LRRTM4: variants seen among roughly 807,000 people sequenced by gnomAD.
The protein encoded by LRRTM4 is leucine rich repeat transmembrane neuronal 4.
A neutral mutation model predicts 47.6 loss-of-function variants in LRRTM4; 25 were observed. The ratio of observed to expected loss-of-function variants is 0.53; its 90% CI spans 0.38 to 0.73. The LOEUF is 0.73. Ranked by LOEUF, LRRTM4 falls within the 30% of genes least tolerant of loss-of-function variation. The probability of loss-of-function intolerance (pLI) is 0.00; values close to 1 mark genes in which losing one functional copy is unlikely to be tolerated. For synonymous variants in LRRTM4, 311 were observed against 269.5 expected (o/e 1.15, Z -1.51); for missense variants, 638 against 713.4 (o/e 0.89, Z 1.20).
At chr2:77,326,099 G>A (rs545036135) in intron 3 of LRRTM4, among the ~76,000 whole-genome samples, 42 of 152,240 alleles carry the variant, frequency 2.8e-4, no homozygotes, top group Non-Finnish European at 4.7e-4. Flanking sequence ...CAGAGATGCC[G>A]TGAGAAATTC....
At chr2:76,900,056 C>G (rs1372694360) in intron 3 of LRRTM4, among the ~76,000 whole-genome samples, 1 of 152,062 alleles carries the variant, frequency 6.6e-6, no homozygotes, top group Non-Finnish European at 1.5e-5. Context: ...TGGTGAAACC[C>G]AGTCTCTACT....
intron 3 of LRRTM4, among the ~76,000 whole-genome samples, chr2:77,379,402 C>A (rs1005790428): frequency 5.3e-5 from 8 of 152,056 alleles, no homozygotes; most frequent in African/African-American, 1.9e-4. Context: ...AGAAAATATA[C>A]AACTACACTC....
chr2:77,285,284 A>G (rs554228716), intron 3 of LRRTM4, among the ~76,000 whole-genome samples: 131 of 145,774 alleles, frequency 9.0e-4, no homozygotes, highest in African/African-American at 3.2e-3. Flanking sequence ...TACTAAGTTT[A>G]AATAATTGTT....
chr2:76,956,008 T>TA (rs148959516), intron 3 of LRRTM4, among the ~76,000 whole-genome samples: 7,886 of 146,328 alleles, frequency 0.054, 471 homozygotes, highest in East Asian at 0.14. Flanking sequence ...AACTCCCACT[T>TA]AAAAAAAAAA....
intron 3 of LRRTM4, among the ~76,000 whole-genome samples, chr2:77,202,040 G>A (rs543073524): frequency 6.6e-6 from 1 of 152,216 alleles, no homozygotes; most frequent in East Asian, 1.9e-4. Context: ...TAAGTCCCCG[G>A]CATTGTGCAG....
At chr2:77,301,569 A>G (rs1383031999) in intron 3 of LRRTM4, among the ~76,000 whole-genome samples, 1 of 152,176 alleles carries the variant, frequency 6.6e-6, no homozygotes, top group East Asian at 1.9e-4. Context: ...AACTTGATAA[A>G]AAATAAGAAA....
intron 3 of LRRTM4, among the ~76,000 whole-genome samples, chr2:77,083,937 T>C (rs1680622217): frequency 2.6e-5 from 4 of 151,218 alleles, no homozygotes; most frequent in Admixed American, 2.6e-4. Context: ...CCCGAGTAGC[T>C]GGGACTACAG....
At chr2:76,967,284 T>C (rs1034187623) in intron 3 of LRRTM4, among the ~76,000 whole-genome samples, 9 of 151,414 alleles carry the variant, frequency 5.9e-5, no homozygotes, top group African/African-American at 2.2e-4. Context: ...GTGCTAGAAA[T>C]TGTATTGAAA....
chr2:77,166,935 C>T (rs187115622), intron 3 of LRRTM4, among the ~76,000 whole-genome samples: 19 of 152,176 alleles, frequency 1.2e-4, no homozygotes, highest in Admixed American at 2.6e-4. Context: ...GCAATGGCAA[C>T]GAAAGCCAAA....
At chr2:76,855,992 A>AT (rs1465506720) in intron 3 of LRRTM4, among the ~76,000 whole-genome samples, 2 of 152,192 alleles carry the variant, frequency 1.3e-5, no homozygotes, top group African/African-American at 2.4e-5. Context: ...GGAAGTATAA[A>AT]TTGGCCAGAA....
intron 3 of LRRTM4, among the ~76,000 whole-genome samples, chr2:77,124,408 T>A (rs1671602899): frequency 6.6e-6 from 1 of 152,116 alleles, no homozygotes; most frequent in African/African-American, 2.4e-5. Context: ...CAAAGCGGTA[T>A]TTTAGCCCCC....
chr2:77,444,591 A>G (rs1472686435), intron 3 of LRRTM4, among the ~76,000 whole-genome samples: 1 of 152,042 alleles, frequency 6.6e-6, no homozygotes, highest in African/African-American at 2.4e-5. Flanking sequence ...CACTTCATGC[A>G]CTAATCATAT....
intron 3 of LRRTM4, among the ~76,000 whole-genome samples, chr2:77,142,430 T>TACACACACACACAC (rs71381264): frequency 6.9e-6 from 1 of 145,262 alleles, no homozygotes; most frequent in African/African-American, 2.5e-5. Flanking sequence ...CACACACACA[T>TACACACACACACAC]ACACACACAC....
intron 3 of LRRTM4, among the ~76,000 whole-genome samples, chr2:76,917,431 C>T (rs1337296590): frequency 6.6e-6 from 1 of 152,090 alleles, no homozygotes; most frequent in Non-Finnish European, 1.5e-5. Flanking sequence ...GAGGAGTTAA[C>T]TCCCTCTATT....
At chr2:76,749,894 G>C (rs1229571665) in intron 3 of LRRTM4, among the ~76,000 whole-genome samples, 1 of 152,200 alleles carries the variant, frequency 6.6e-6, no homozygotes, top group Admixed American at 6.5e-5. Flanking sequence ...GATGAGAAAA[G>C]TGCAAAGGCT....
chr2:77,486,427 G>A (rs1677911991), intron 3 of LRRTM4, among the ~76,000 whole-genome samples: 1 of 152,102 alleles, frequency 6.6e-6, no homozygotes, highest in Admixed American at 6.6e-5. Flanking sequence ...CAATTGGAAT[G>A]TAATGTAATA....
At chr2:77,494,009 A>C (rs1678265858) in intron 3 of LRRTM4, among the ~76,000 whole-genome samples, 1 of 152,136 alleles carries the variant, frequency 6.6e-6, no homozygotes, top group Non-Finnish European at 1.5e-5. Flanking sequence ...AGGATAGTTA[A>C]AATTAGGAAA....
intron 3 of LRRTM4, among the ~76,000 whole-genome samples, chr2:76,959,149 T>G (rs1274495804): frequency 6.6e-6 from 1 of 151,728 alleles, no homozygotes; most frequent in Non-Finnish European, 1.5e-5. Context: ...AATTTTAAAT[T>G]TAATGTCTTT....
chr2:76,893,330 T>C (rs1424899606), intron 3 of LRRTM4, among the ~76,000 whole-genome samples: 1 of 151,658 alleles, frequency 6.6e-6, no homozygotes, highest in Non-Finnish European at 1.5e-5. Context: ...GAAAGGGGTG[T>C]TTTGTAAAAA....
Sources: gnomAD v4.1 joint callset for allele counts (sites outside exome capture counted in the v4.1 genomes callset) on GRCh38, gnomAD v4.1.1 for gene constraint, MANE v1.5 for transcripts, NCBI Gene and HGNC (gene_info 2026-07-23, HGNC 2026-07-21) for gene names.